Variants in SLC36A3 observed in about 807,000 individuals in gnomAD.
SLC36A3 encodes the protein solute carrier family 36 member 3.
SLC36A3 carries 35 observed loss-of-function variants against 44.3 expected under a neutral mutation model. The observed-to-expected ratio is 0.79, with a 90% confidence interval of 0.60 to 1.05. The LOEUF (loss-of-function observed/expected upper bound fraction) is 1.05, where lower values mean the gene tolerates loss of function less well. SLC36A3 is among the 50% of genes least tolerant of loss of function. The pLI is 0.00. For missense variants in SLC36A3, 540 were observed against 578.7 expected, an observed-to-expected ratio of 0.93 and a Z score of 0.69; for synonymous variants, 211 against 227.6, an observed-to-expected ratio of 0.93 and a Z score of 0.66.
chr5:151,299,395 T>TA lies in SLC36A3; in HGVS notation c.129-713dup, dbSNP rs1561641035. 2.2e-4 allele frequency among the ~76,000 whole-genome samples: 29 copies of TA among 134,538 alleles called. 1 individual carries two copies. In the South Asian group the frequency reaches 3.0e-3, roughly 14 times the overall value. 88.3% of individuals were successfully genotyped at this position (134,538 alleles called of 152,430 possible). The stretch of plus-strand genomic sequence containing the variant: ...GTGATATATATATATATATATATAT[T>TA]ATATATATATGAATTGCTATATATC... On this transcript the variant is annotated intron_variant, in intron 1 of 9. Transcript: ENST00000335230.
chr5:151,282,219 G>A (rs753696087), intron 8 of SLC36A3, among the ~76,000 whole-genome samples: 1 of 144,018 alleles, frequency 6.9e-6, no homozygotes. Context: ...GCTGAGAAGC[G>A]ATGCAACGGT....
chr5:151,302,955 C>G (rs746629553), intron 1 of SLC36A3, among the ~76,000 whole-genome samples: 30 of 152,054 alleles, frequency 2.0e-4, no homozygotes, highest in Non-Finnish European at 3.4e-4. Context: ...AAAGGGCAGA[C>G]AGCCTGAGAT....
Position 151,276,835 on chromosome 5 carries a change from T to C in SLC36A3, c.*558A>G, listed in dbSNP as rs903232229. On this transcript the variant is annotated 3_prime_UTR_variant, in exon 10 of 10. Transcript: ENST00000335230. ...AGTTGACAGAGTCCTTAATAATCAG[T>C]TAGTCCAACTGTTCACTTCATAGAC... 1 of 153,736 alleles carries C rather than the reference T, an allele frequency of 6.5e-6. No individual in the cohort carries two copies. The highest frequency in any genetic ancestry group is 1.4e-5 in the Non-Finnish European group (1 of 69,046). 9.5% of individuals were successfully genotyped at this position (153,736 alleles called of 1,614,324 possible).
chr5:151,284,599 C>T lies in SLC36A3; in HGVS notation c.807+14G>A. On this transcript the variant is annotated intron_variant, in intron 7 of 9. Transcript: ENST00000335230. The stretch of plus-strand genomic sequence containing the variant: ...GGCGCTAGGGACCATTCGCGTGAAC[C>T]CCATCAATCTTACCATACCGACGCC... 6.3e-7 allele frequency: 1 copy of T among 1,594,094 alleles called. No individual in the cohort carries two copies. The highest frequency in any genetic ancestry group is 8.6e-7 in the Non-Finnish European group (1 of 1,166,836).
At chr5:151,288,288 C>G (rs1030006541) in intron 5 of SLC36A3, 98 bp downstream of exon 5, 2 of 841,952 alleles carry the variant, frequency 2.4e-6, no homozygotes, top group Non-Finnish European at 3.5e-6. Flanking sequence ...AAATGAAGTT[C>G]TCTCCTCCCA....
intron 8 of SLC36A3, among the ~76,000 whole-genome samples, chr5:151,283,638 C>T (rs769181896): frequency 6.6e-6 from 1 of 152,212 alleles, no homozygotes; most frequent in Non-Finnish European, 1.5e-5. Context: ...GAAATAAATG[C>T]ACCATCATCC....
intron 6 of SLC36A3, among the ~76,000 whole-genome samples, chr5:151,287,033 A>T (rs1754560801): frequency 6.6e-6 from 1 of 152,042 alleles, no homozygotes; most frequent in Non-Finnish European, 1.5e-5. Flanking sequence ...GACGATGATG[A>T]TGATGATGAG....
chr5:151,292,381 T>A (rs1216855631), intron 4 of SLC36A3, among the ~76,000 whole-genome samples: 1 of 152,202 alleles, frequency 6.6e-6, no homozygotes, highest in East Asian at 1.9e-4. Context: ...CACTACCTCC[T>A]GAGGGACTTT....
At chr5:151,284,532 T>C (rs532284868) in intron 7 of SLC36A3, 81 bp downstream of exon 7, 3 of 1,093,110 alleles carry the variant, frequency 2.7e-6, no homozygotes, top group East Asian at 2.4e-5. Context: ...TCATAAATAC[T>C]ATTTATTCAG....
intron 5 of SLC36A3, 95 bp from the exon 6 acceptor site, chr5:151,287,559 G>A (rs1754590246): frequency 5.2e-6 from 6 of 1,156,194 alleles, no homozygotes; most frequent in Non-Finnish European, 7.4e-6. Flanking sequence ...TAACTTTTTA[G>A]TATAAATATG....
intron 1 of SLC36A3, among the ~76,000 whole-genome samples, chr5:151,299,256 C>CTATATATATATATATATA (rs1394218183): frequency 1.3e-5 from 1 of 76,594 alleles, no homozygotes; most frequent in Non-Finnish European, 2.5e-5. Flanking sequence ...CTCTCTCTCT[C>CTATATATATATATATATA]TCTCTCTCTA....
intron 6 of SLC36A3, among the ~76,000 whole-genome samples, chr5:151,285,337 C>T (rs1192951687): frequency 1.3e-5 from 2 of 152,268 alleles, no homozygotes; most frequent in Non-Finnish European, 2.9e-5. Flanking sequence ...ACTGGGAGCC[C>T]GCTCATCTCT....
At position 151,284,706 on chromosome 5, in the gene SLC36A3, A is replaced by G. The variant is rs760181733; in HGVS notation, c.714T>C (p.Ile238=). ...ALIFEYIMEG[I]PYPSNLPLMA... ...TCAAGGGTAGGTTGCTGGGATATGG[A>G]ATCCCCTAAAAGAAAGTGGGAGAAG... The change falls in exon 7 of 10, where the codon ATT becomes ATC. Residue 238 remains isoleucine, a synonymous_variant. Coordinates refer to ENST00000335230, the MANE Select transcript of SLC36A3 (RefSeq NM_181774.4). The G allele has an allele frequency of 6.2e-7, 1 of 1,611,754 alleles. No homozygotes were observed. The highest frequency in any genetic ancestry group is 1.1e-5 in the South Asian group (1 of 90,798).
intron 1 of SLC36A3, among the ~76,000 whole-genome samples, chr5:151,302,790 G>A (rs142620723): frequency 9.3e-4 from 142 of 152,192 alleles, no homozygotes; most frequent in African/African-American, 3.2e-3. Flanking sequence ...ATGTGTCTGA[G>A]TTTGGGGCAG....
Position 151,277,171 on chromosome 5 carries a change from T to C in SLC36A3, c.*222A>G, listed in dbSNP as rs1427771560. ...TAATATGAATAGTTGAATCTAATTT[T>C]GGTTCAGAGGTACAAAAGGCCATCC... On this transcript the variant is annotated 3_prime_UTR_variant, in exon 10 of 10. Coordinates refer to ENST00000335230, the MANE Select transcript of SLC36A3 (RefSeq NM_181774.4). 1 of 574,352 alleles carries C rather than the reference T, an allele frequency of 1.7e-6. No homozygotes were observed. Among genetic ancestry groups the C allele is most frequent in the South Asian group, 2.6e-5 (1 of 38,044 alleles). 35.6% of individuals were successfully genotyped at this position (574,352 alleles called of 1,614,324 possible). A position where few individuals can be genotyped will look rare whatever the true frequency, so the allele number is the denominator to read the frequency against.
intron 1 of SLC36A3, among the ~76,000 whole-genome samples, chr5:151,300,969 T>C (rs933765066): frequency 6.6e-6 from 1 of 152,256 alleles, no homozygotes; most frequent in African/African-American, 2.4e-5. Context: ...CCTCCATCAC[T>C]TGTAATGACT....
chr5:151,301,729 T>TAA (rs5872199), intron 1 of SLC36A3, among the ~76,000 whole-genome samples: 11 of 136,994 alleles, frequency 8.0e-5, no homozygotes, highest in African/African-American at 1.3e-4. Flanking sequence ...AGACTCCGTC[T>TAA]AAAAAAAAAA....
At chr5:151,301,451 C>G (rs1755162260) in intron 1 of SLC36A3, among the ~76,000 whole-genome samples, 1 of 152,068 alleles carries the variant, frequency 6.6e-6, no homozygotes, top group South Asian at 2.1e-4. Context: ...TGAAACCACC[C>G]AGACCGGTCA....
intron 1 of SLC36A3, among the ~76,000 whole-genome samples, chr5:151,299,358 C>T (rs1324135520): frequency 8.0e-6 from 1 of 125,498 alleles, no homozygotes; most frequent in Non-Finnish European, 1.6e-5. Flanking sequence ...AAAGTAGAGT[C>T]AGATGAGCAT....
Sources: allele counts gnomAD v4.1 joint callset (sites outside exome capture counted in the v4.1 genomes callset), GRCh38; gene constraint gnomAD v4.1.1; transcripts MANE v1.5; gene names NCBI Gene and HGNC (gene_info 2026-07-23, HGNC 2026-07-21).